Variants in KIAA1328 observed in about 807,000 individuals in gnomAD.
KIAA1328 encodes KIAA1328, also known as protein hinderin.
KIAA1328 carries 52 observed loss-of-function variants against 68.1 expected under a neutral mutation model. The observed-to-expected ratio is 0.76, with a 90% confidence interval of 0.61 to 0.96. The LOEUF is 0.96. Among genes scored for constraint, KIAA1328 ranks in the 40% least tolerant of loss-of-function variants. The probability of loss-of-function intolerance (pLI) is 0.00; values close to 1 mark genes in which losing one functional copy is unlikely to be tolerated. For missense variants in KIAA1328, 641 were observed against 677.6 expected, an observed-to-expected ratio of 0.95 and a Z score of 0.60; for synonymous variants, 232 against 239.4, an observed-to-expected ratio of 0.97 and a Z score of 0.28.
intron 6 of KIAA1328, among the ~76,000 whole-genome samples, chr18:36,986,382 T>C (rs1304000072): frequency 6.6e-6 from 1 of 150,838 alleles, no homozygotes; most frequent in East Asian, 2.0e-4. Flanking sequence ...ATAAAAACCC[T>C]AGAAGAAAAC....
intron 7 of KIAA1328, among the ~76,000 whole-genome samples, chr18:37,119,628 C>A (rs908563107): frequency 2.6e-5 from 4 of 152,118 alleles, no homozygotes; most frequent in African/African-American, 9.7e-5. Flanking sequence ...CATCTTCAGA[C>A]CCATCTTCAA....
chr18:37,227,212 C>A (rs1399630022), downstream of KIAA1328, among the ~76,000 whole-genome samples: 1 of 152,098 alleles, frequency 6.6e-6, no homozygotes, highest in African/African-American at 2.4e-5. Flanking sequence ...AGGAAAGAGA[C>A]CATCTCCATA....
At chr18:36,968,768 C>T (rs2052048686) in intron 6 of KIAA1328, among the ~76,000 whole-genome samples, 1 of 152,140 alleles carries the variant, frequency 6.6e-6, no homozygotes, top group African/African-American at 2.4e-5. Context: ...GACCTGAACA[C>T]TGGACCAAAT....
intron 7 of KIAA1328, among the ~76,000 whole-genome samples, chr18:37,083,748 A>G (rs2057017660): frequency 6.6e-6 from 1 of 152,236 alleles, no homozygotes; most frequent in South Asian, 2.1e-4. Flanking sequence ...AGGGTCAGTG[A>G]TAATTAGAGT....
chr18:37,002,228 C>CTTTTTTTTTTTTTTTTTTTTTTTTTT (rs145948250), intron 6 of KIAA1328, among the ~76,000 whole-genome samples: 1 of 95,164 alleles, frequency 1.1e-5, no homozygotes, highest in African/African-American at 3.7e-5. Flanking sequence ...ATTTTTTTTT[C>CTTTTTTTTTTTTTTTTTTTTTTTTTT]TTTTTTTTTT....
At chr18:36,992,451 C>CTTTTTTTTTTTTTTTTTTTT (rs71168252) in intron 6 of KIAA1328, among the ~76,000 whole-genome samples, 7 of 130,110 alleles carry the variant, frequency 5.4e-5, no homozygotes, top group African/African-American at 1.4e-4. Context: ...TCTTTTCTTT[C>CTTTTTTTTTTTTTTTTTTTT]TTTTTTTTTT....
chr18:36,840,661 C>T (rs2046829548), intron 3 of KIAA1328, among the ~76,000 whole-genome samples: 1 of 152,072 alleles, frequency 6.6e-6, no homozygotes, highest in South Asian at 2.1e-4. Context: ...CTATGTTGAC[C>T]AGGCTGGTCT....
At chr18:37,062,762 G>A (rs985544444) in intron 6 of KIAA1328, among the ~76,000 whole-genome samples, 3 of 152,054 alleles carry the variant, frequency 2.0e-5, no homozygotes, top group African/African-American at 7.2e-5. Context: ...GCCAATAGAT[G>A]CATTTTTTAA....
intron 5 of KIAA1328, among the ~76,000 whole-genome samples, chr18:36,920,899 C>T (rs1159145691): frequency 2.0e-5 from 3 of 152,160 alleles, no homozygotes; most frequent in Non-Finnish European, 4.4e-5. Context: ...GTACTCTGCC[C>T]TGTGAAGTCT....
chr18:36,958,962 C>T (rs978934450), intron 5 of KIAA1328, among the ~76,000 whole-genome samples: 3 of 151,696 alleles, frequency 2.0e-5, no homozygotes, highest in South Asian at 4.2e-4. Context: ...TTAACTCTTA[C>T]GTTTAGATCA....
chr18:36,952,530 A>C (rs1488948529), intron 5 of KIAA1328, among the ~76,000 whole-genome samples: 1 of 152,192 alleles, frequency 6.6e-6, no homozygotes, highest in Non-Finnish European at 1.5e-5. Flanking sequence ...TATTATCCCC[A>C]GATGAAGATG....
At chr18:37,186,064 T>A (rs1295339371) in intron 9 of KIAA1328, among the ~76,000 whole-genome samples, 1 of 151,436 alleles carries the variant, frequency 6.6e-6, no homozygotes, top group African/African-American at 2.4e-5. Context: ...TCAGTGTGAC[T>A]GATGACCTCA....
intron 9 of KIAA1328, among the ~76,000 whole-genome samples, chr18:37,200,124 G>A (rs553534491): frequency 3.0e-4 from 46 of 152,318 alleles, no homozygotes; most frequent in African/African-American, 1.0e-3. Context: ...AAAAGGAAGA[G>A]CCTGAGGCAC....
intron 6 of KIAA1328, among the ~76,000 whole-genome samples, chr18:37,065,598 T>TA (rs1313316898): frequency 6.6e-6 from 1 of 152,244 alleles, no homozygotes; most frequent in East Asian, 1.9e-4. Context: ...GGGAAGTTTT[T>TA]ATGTTATAAA....
At chr18:36,862,487 C>T (rs1394639183) in intron 4 of KIAA1328, among the ~76,000 whole-genome samples, 1 of 151,896 alleles carries the variant, frequency 6.6e-6, no homozygotes, top group Non-Finnish European at 1.5e-5. Flanking sequence ...TTTTTTTAAA[C>T]TCAGCATAAT....
At chr18:36,917,454 T>C (rs746822580) in intron 5 of KIAA1328, among the ~76,000 whole-genome samples, 1 of 152,166 alleles carries the variant, frequency 6.6e-6, no homozygotes, top group Non-Finnish European at 1.5e-5. Flanking sequence ...ACTTGTGGCC[T>C]CAGACAATCC....
chr18:36,928,067 A>G (rs1445392492), intron 5 of KIAA1328, among the ~76,000 whole-genome samples: 2 of 152,148 alleles, frequency 1.3e-5, no homozygotes, highest in African/African-American at 2.4e-5. Flanking sequence ...CTGTGCTAAT[A>G]TTTACTGCCA....
intron 5 of KIAA1328, among the ~76,000 whole-genome samples, chr18:36,888,877 C>T (rs1266711114): frequency 1.3e-5 from 2 of 152,116 alleles, no homozygotes; most frequent in African/African-American, 2.4e-5. Flanking sequence ...CAGATAATTT[C>T]AGATCATTTT....
At chr18:37,015,696 C>A (rs1472497546) in intron 6 of KIAA1328, among the ~76,000 whole-genome samples, 4 of 152,030 alleles carry the variant, frequency 2.6e-5, no homozygotes, top group Non-Finnish European at 1.5e-5. Context: ...TTGTAGTTCT[C>A]CTTGTAGAAA....
Sources: allele counts gnomAD v4.1 joint callset (sites outside exome capture counted in the v4.1 genomes callset), GRCh38; gene constraint gnomAD v4.1.1; transcripts MANE v1.5; gene names NCBI Gene and HGNC (gene_info 2026-07-23, HGNC 2026-07-21).